The following RAB28 variants were observed in gnomAD, a reference collection of about 807,000 sequenced individuals.
RAB28 encodes RAB28, member RAS oncogene family, also known as ras-related protein Rab-28.
RAB28 carries 24 observed loss-of-function variants against 31.7 expected under a neutral mutation model. That is an observed-to-expected ratio of 0.76 (90% CI 0.55 to 1.06). RAB28 has a LOEUF of 1.06. Among genes scored for constraint, RAB28 ranks in the 50% least tolerant of loss-of-function variants. The pLI, the probability that RAB28 is intolerant of heterozygous loss-of-function variation, is 0.00. For synonymous variants in RAB28, 100 were observed against 90.4 expected (o/e 1.11, Z -0.60); for missense variants, 254 against 258.5 (o/e 0.98, Z 0.12).
chr4:13,401,217 G>C (rs1711731630), intron 4 of RAB28, among the ~76,000 whole-genome samples: 1 of 152,092 alleles, frequency 6.6e-6, no homozygotes, highest in African/African-American at 2.4e-5. Flanking sequence ...ATTCTTTGTG[G>C]AAACATTCCA....
At position 13,409,906 on chromosome 4, in the gene RAB28, G is replaced by C. The variant is rs573582323; in HGVS notation, c.392-28312C>G. On this transcript the variant is annotated intron_variant, in intron 4 of 6. Coordinates refer to ENST00000330852, the MANE Select transcript of RAB28 (RefSeq NM_001017979.3). ...CCACCCAAATCTCATGCTAAATTGT[G>C]ATCCTGAGTGCTGGAGGTGGGGCCT... Among the ~76,000 whole-genome samples, 8 of 152,270 alleles carry C rather than the reference G, an allele frequency of 5.3e-5. No individual in the cohort carries two copies. The South Asian group carries it at 1.7e-3, about 32-fold the overall frequency.
chr4:13,456,808 C>T (rs1402887834), intron 4 of RAB28, among the ~76,000 whole-genome samples: 1 of 152,072 alleles, frequency 6.6e-6, no homozygotes, highest in African/African-American at 2.4e-5. Flanking sequence ...AAATCTCTTC[C>T]TCTATTTGCC....
At chr4:13,416,398 G>A (rs865925311) in intron 4 of RAB28, among the ~76,000 whole-genome samples, 20 of 152,118 alleles carry the variant, frequency 1.3e-4, no homozygotes, top group Admixed American at 4.6e-4. Context: ...CAGACACGCC[G>A]CCTTTAAGAA....
chr4:13,396,268 T>A (rs990073257), intron 4 of RAB28, among the ~76,000 whole-genome samples: 1 of 151,990 alleles, frequency 6.6e-6, no homozygotes, highest in African/African-American at 2.4e-5. Flanking sequence ...CTGGTTATAC[T>A]CAATTCAAAC....
rs150133178 is a variant in RAB28, at chr4:13,418,513, G to A, written c.392-36919C>T. On this transcript the variant is annotated intron_variant, in intron 4 of 6. Transcript: ENST00000330852. Reference sequence around the variant, plus strand: ...AAGGGCAGCCAGAGAGAAAAGTCGGGTTACTCACAAGGGGAAGCCCATCAG... The same window carrying A: ...AAGGGCAGCCAGAGAGAAAAGTCGGATTACTCACAAGGGGAAGCCCATCAG... Among the ~76,000 whole-genome samples, 696 of 152,262 alleles carry A rather than the reference G, an allele frequency of 4.6e-3. 6 individuals are homozygous for A. Among genetic ancestry groups the A allele is most frequent in the African/African-American group, 0.016 (663 of 41,556 alleles).
At chr4:13,392,964 G>C (rs1729705919) in intron 4 of RAB28, among the ~76,000 whole-genome samples, 3 of 152,096 alleles carry the variant, frequency 2.0e-5, no homozygotes. Context: ...GCAATGACTA[G>C]CATATAGCAA....
At chr4:13,395,549 T>C (rs1169858387) in intron 4 of RAB28, among the ~76,000 whole-genome samples, 2 of 152,124 alleles carry the variant, frequency 1.3e-5, no homozygotes, top group African/African-American at 4.8e-5. Flanking sequence ...CTTTTCTTTT[T>C]AGGTACTATT....
In RAB28 at chr4:13,376,698, A is replaced by C; in HGVS notation, c.496-76T>G. The stretch of plus-strand genomic sequence containing the variant: ...ATCTTCAAATAAACAGAATTTTCTT[A>C]AAAATGATAAACAGCAATAATTGCA... On this transcript the variant is annotated intron_variant, in intron 5 of 6. Transcript: ENST00000330852. 5 of 988,560 alleles carry C rather than the reference A, an allele frequency of 5.1e-6. No individual in the cohort carries two copies. In the East Asian group the frequency reaches 1.3e-4, roughly 26 times the overall value. The allele number at this position is 988,560 out of a possible 1,614,324, so 61.2% of individuals were successfully genotyped here. A position where few individuals can be genotyped will look rare whatever the true frequency, so the allele number is the denominator to read the frequency against.
intron 4 of RAB28, among the ~76,000 whole-genome samples, chr4:13,441,823 A>G (rs572011866): frequency 2.1e-4 from 32 of 152,346 alleles, no homozygotes; most frequent in African/African-American, 7.0e-4. Flanking sequence ...GTGCAACCAC[A>G]TAACACCCAA....
In RAB28 at chr4:13,460,751, T is replaced by G. The variant is rs757606665; in HGVS notation, c.339A>C (p.Lys113Asn). The G allele has an allele frequency of 1.2e-6, 2 of 1,614,088 alleles. No individual in the cohort carries two copies. The highest frequency in any genetic ancestry group is 1.7e-6 in the Non-Finnish European group (2 of 1,179,956). The change falls in exon 4 of 7, where the codon AAA becomes AAC. Residue 113 changes from lysine (K) to asparagine (N), a missense_variant. Coordinates refer to ENST00000330852, the MANE Select transcript of RAB28 (RefSeq NM_001017979.3). ...NLEDWYTVVK[K>N]VSEESETQPL... is the part of the protein sequence containing the mutation. Reference sequence around the variant, plus strand: ...GCTGAGTTTCTGACTCCTCGCTCACTTTCTTCACCACAGTATACCAATCTT... The same window carrying G: ...GCTGAGTTTCTGACTCCTCGCTCACGTTCTTCACCACAGTATACCAATCTT...
chr4:13,474,610 T>C (rs1387433042), intron 2 of RAB28, among the ~76,000 whole-genome samples: 2 of 151,616 alleles, frequency 1.3e-5, no homozygotes, highest in Non-Finnish European at 3.0e-5. Context: ...TTTATCTTTT[T>C]ACTCCATTTC....
chr4:13,443,515 A>G (rs1714528350), intron 4 of RAB28, among the ~76,000 whole-genome samples: 1 of 152,216 alleles, frequency 6.6e-6, no homozygotes, highest in African/African-American at 2.4e-5. Flanking sequence ...AATCATAAGC[A>G]CTAAGTGAGG....
At chr4:13,420,903 C>A (rs150373462) in intron 4 of RAB28, among the ~76,000 whole-genome samples, 1 of 151,968 alleles carries the variant, frequency 6.6e-6, no homozygotes, top group Non-Finnish European at 1.5e-5. Context: ...AAGTTCTGGC[C>A]GAGCAATCAG....
intron 6 of RAB28, among the ~76,000 whole-genome samples, chr4:13,369,685 T>C (rs1728641332): frequency 6.6e-6 from 1 of 152,148 alleles, no homozygotes; most frequent in Non-Finnish European, 1.5e-5. Flanking sequence ...CCCAATTTCT[T>C]AATTCATGTC....
intron 4 of RAB28, among the ~76,000 whole-genome samples, chr4:13,411,346 G>C (rs1429656304): frequency 6.6e-6 from 1 of 152,002 alleles, no homozygotes; most frequent in Non-Finnish European, 1.5e-5. Context: ...ACAAAAAGTT[G>C]GTCCATTAAA....
At chr4:13,387,670 A>G (rs1247293748) in intron 4 of RAB28, among the ~76,000 whole-genome samples, 4 of 152,084 alleles carry the variant, frequency 2.6e-5, no homozygotes, top group African/African-American at 9.7e-5. Flanking sequence ...CTCCTTCAAC[A>G]ATGAAATCTG....
At chr4:13,403,440 T>C (rs905561164) in intron 4 of RAB28, among the ~76,000 whole-genome samples, 1 of 152,224 alleles carries the variant, frequency 6.6e-6, no homozygotes, top group Non-Finnish European at 1.5e-5. Flanking sequence ...ATTTTGTCTA[T>C]TTCTCAACTG....
chr4:13,464,011 C>T (rs1472475350), intron 3 of RAB28, among the ~76,000 whole-genome samples: 1 of 152,054 alleles, frequency 6.6e-6, no homozygotes, highest in Non-Finnish European at 1.5e-5. Context: ...CAAATCATCA[C>T]CCTGAAATCT....
At chr4:13,445,269 C>T (rs1714636638) in intron 4 of RAB28, among the ~76,000 whole-genome samples, 1 of 151,980 alleles carries the variant, frequency 6.6e-6, no homozygotes, top group African/African-American at 2.4e-5. Flanking sequence ...TTCTAGTCAG[C>T]AGCTCCTGTA....
Sources: gnomAD v4.1 joint callset for allele counts (sites outside exome capture counted in the v4.1 genomes callset) on GRCh38, gnomAD v4.1.1 for gene constraint, MANE v1.5 for transcripts, NCBI Gene and HGNC (gene_info 2026-07-23, HGNC 2026-07-21) for gene names.